PNLDC1: variants seen among roughly 807,000 people sequenced by gnomAD.
The protein encoded by PNLDC1 is poly(A)-specific ribonuclease PNLDC1.
PNLDC1 carries 70 observed loss-of-function variants against 82.0 expected under a neutral mutation model. The observed-to-expected ratio is 0.85, with a 90% CI of 0.70 to 1.04. The LOEUF (loss-of-function observed/expected upper bound fraction) is 1.04. Ranked by LOEUF, PNLDC1 falls within the 50% of genes least tolerant of loss-of-function variation. The pLI, the probability that PNLDC1 is intolerant of heterozygous loss-of-function variation, is 0.00. For missense variants in PNLDC1, 631 were observed against 661.1 expected, an observed-to-expected ratio of 0.95 and a Z score of 0.50; for synonymous variants, 280 against 249.3, an observed-to-expected ratio of 1.12 and a Z score of -1.16.
intron 1 of PNLDC1, 93 bp from the exon 2 acceptor site, chr6:159,800,679 G>T: frequency 6.2e-7 from 1 of 1,613,908 alleles, no homozygotes; most frequent in Middle Eastern, 1.7e-4. Flanking sequence ...GCAGAGGTGA[G>T]CGCGGGTGCC....
In PNLDC1 at chr6:159,820,548, G is replaced by C; in HGVS notation, c.*31G>C. On this transcript the variant is annotated 3_prime_UTR_variant, in exon 19 of 19. Transcript: ENST00000392167. ...GCGAGGCCTCCTGCGGCCACCCTCG[G>C]GTCCCCATGCTCTCTGGGAGGTGTG... 6.2e-7 allele frequency: 1 copy of C among 1,606,548 alleles called. No individual in the cohort carries two copies. Among genetic ancestry groups the C allele is most frequent in the Non-Finnish European group, 8.5e-7 (1 of 1,173,468 alleles).
At position 159,811,710 on chromosome 6, in the gene PNLDC1, A is replaced by C. The variant is rs1270950126; in HGVS notation, c.863A>C (p.Asp288Ala). 3.1e-6 allele frequency: 5 copies of C among 1,613,230 alleles called. No individual in the cohort carries two copies. The highest frequency in any genetic ancestry group is 1.7e-4 in the Middle Eastern group (1 of 6,058). The change falls in exon 11 of 19, where the codon GAT becomes GCT. Residue 288 changes from aspartate to alanine, a missense_variant. Transcript: ENST00000392167. ...GGGTTTTTCCCCTCAGAAAGCTACG[A>C]TCAATTTAAGCAGAATATCCACAGC... ...KFFRPLPESY[D>A]QFKQNIHSLF...
chr6:159,802,753 T>G lies in PNLDC1; in HGVS notation c.209-518T>G, dbSNP rs997440754. 2.0e-5 allele frequency among the ~76,000 whole-genome samples: 3 copies of G among 152,246 alleles called. No homozygotes were observed. The South Asian group carries it at 6.2e-4, about 32-fold the overall frequency. ...GCGCGCCACCACACCTAGCTAATTT[T>G]TGTATTTTTAGTAGAGACAGGGTTT... On this transcript the variant is annotated intron_variant, in intron 3 of 18. Transcript: ENST00000392167.
chr6:159,803,554 A>C, intron 4 of PNLDC1, among the ~76,000 whole-genome samples: 1 of 151,950 alleles, frequency 6.6e-6, no homozygotes, highest in South Asian at 2.1e-4. Flanking sequence ...CCCCATTTCC[A>C]TTGTCTCCAG....
At chr6:159,800,085 T>G (rs1781176471), upstream of PNLDC1, among the ~76,000 whole-genome samples, 1 of 152,204 alleles carries the variant, frequency 6.6e-6, no homozygotes, top group South Asian at 2.1e-4. Flanking sequence ...AGGCTTTGAT[T>G]GCAATTGCAA....
In PNLDC1 at chr6:159,816,182, C is replaced by A. The variant is rs868372700; in HGVS notation, c.1060+149C>A. 467 of 415,878 alleles carry A rather than the reference C, an allele frequency of 1.1e-3. 9 individuals carry two copies. The highest frequency in any genetic ancestry group is 1.4e-3 in the Admixed American group (35 of 24,484). The allele number at this position is 415,878 out of a possible 1,614,324, so 25.8% of individuals were successfully genotyped here. A position where few individuals can be genotyped will look rare whatever the true frequency, so the allele number is the denominator to read the frequency against. On this transcript the variant is annotated intron_variant, in intron 13 of 18. Coordinates refer to ENST00000392167, the MANE Select transcript of PNLDC1 (RefSeq NM_001271862.2). ...CCCCCCACACCCCTCCCCTCCCCCC[C>A]ACCTCTCCCCCTGCCCCGCCCCAGG...
At chr6:159,812,649 G>A (rs1781682555) in intron 11 of PNLDC1, among the ~76,000 whole-genome samples, 1 of 152,182 alleles carries the variant, frequency 6.6e-6, no homozygotes, top group Non-Finnish European at 1.5e-5. Flanking sequence ...AGCTCCCTGG[G>A]TGATTCTGTT....
chr6:159,801,508 A>G (rs985571342), intron 3 of PNLDC1, among the ~76,000 whole-genome samples: 10 of 152,054 alleles, frequency 6.6e-5, no homozygotes, highest in Non-Finnish European at 7.4e-5. Context: ...GTGCAGTAGC[A>G]TAGTCTTAGC....
chr6:159,818,252 A>G (rs1781902528), intron 15 of PNLDC1, among the ~76,000 whole-genome samples: 1 of 152,182 alleles, frequency 6.6e-6, no homozygotes, highest in African/African-American at 2.4e-5. Context: ...CTTTCTCTGA[A>G]TAGTGGCCTC....
chr6:159,801,019 C>T (rs917126062), intron 2 of PNLDC1, 94 bp from the exon 3 acceptor site: 251 of 1,495,550 alleles, frequency 1.7e-4, no homozygotes, highest in Non-Finnish European at 2.3e-4. Flanking sequence ...AGGAAAAAAT[C>T]CTCCCCGGTT....
At chr6:159,809,969 G>A in intron 9 of PNLDC1, 57 bp from the exon 10 acceptor site, 1 of 1,390,990 alleles carries the variant, frequency 7.2e-7, no homozygotes, top group Non-Finnish European at 1.0e-6. Context: ...CTGTTAGTCT[G>A]TAGTGTCTGG....
Position 159,816,579 on chromosome 6 carries a change from C to T in PNLDC1, c.1097C>T (p.Ala366Val). The change falls in exon 14 of 19, where the codon GCC becomes GTC. Residue 366 changes from alanine (A) to valine (V), a missense_variant. Physicochemically the swap from Ala to Val is moderately conservative, Grantham distance 64. Transcript: ENST00000392167. The stretch of plus-strand genomic sequence containing the variant: ...TGCCCCCACGAAGCCGCGTATGATG[C>T]CTTCCTCTGTGGGTCAGGTAAGGAT... Reference protein sequence around the residue: ...TKCPHEAAYDAFLCGSVLLKV... With the variant: ...TKCPHEAAYDVFLCGSVLLKV... 6.2e-7 allele frequency: 1 copy of T among 1,613,510 alleles called. No homozygotes were observed. Among genetic ancestry groups the T allele is most frequent in the African/African-American group, 1.3e-5 (1 of 74,858 alleles).
intron 16 of PNLDC1, 105 bp from the exon 17 acceptor site, chr6:159,818,841 C>G (rs1010872771): frequency 7.3e-7 from 1 of 1,369,542 alleles, no homozygotes; most frequent in Middle Eastern, 1.8e-4. Flanking sequence ...CTCTTCCCCT[C>G]CCTGCCCCAA....
rs545260821 is a variant in PNLDC1, at chr6:159,804,025, A to G, written c.309A>G (p.Ser103=). 44 of 1,614,040 alleles carry G rather than the reference A, an allele frequency of 2.7e-5. No homozygotes were observed. In the South Asian group the frequency reaches 4.6e-4, roughly 17 times the overall value. Residue 103 remains serine, a synonymous_variant, in exon 5 of 19, where the codon TCA becomes TCG. Coordinates refer to ENST00000392167, the MANE Select transcript of PNLDC1 (RefSeq NM_001271862.2). ...LFPTTFGILD[S]EFSFQASSVQ... The stretch of plus-strand genomic sequence containing the variant: ...CTACAACGTTTGGGATTTTGGACTC[A>G]GAATTCTCCTTCCAGGCTTCCAGTG...
At chr6:159,809,669 G>T (rs2115041369) in intron 9 of PNLDC1, among the ~76,000 whole-genome samples, 1 of 152,176 alleles carries the variant, frequency 6.6e-6, no homozygotes, top group East Asian at 1.9e-4. Flanking sequence ...TTTGGGGCAA[G>T]AGTATCCATA....
At chr6:159,813,875 AC>A (rs1781726607) in intron 12 of PNLDC1, among the ~76,000 whole-genome samples, 1 of 151,922 alleles carries the variant, frequency 6.6e-6, no homozygotes, top group Non-Finnish European at 1.5e-5. Flanking sequence ...AAATCTCTCA[AC>A]CCCTGCCCCT....
In PNLDC1 at chr6:159,803,265, T is replaced by G; in HGVS notation, c.209-6T>G. 6.2e-7 allele frequency: 1 copy of G among 1,614,070 alleles called. No individual in the cohort carries two copies. Among genetic ancestry groups the G allele is most frequent in the Admixed American group, 1.7e-5 (1 of 60,024 alleles). Reference sequence around the variant, plus strand: ...GCATTCATTCCCTCTACGGTCATTCTTCCAGGATTGTCTGTGTTTTCCGCT... The same window carrying G: ...GCATTCATTCCCTCTACGGTCATTCGTCCAGGATTGTCTGTGTTTTCCGCT... On this transcript the variant is annotated splice_polypyrimidine_tract_variant and splice_region_variant and intron_variant, in intron 3 of 18. Coordinates refer to ENST00000392167, the MANE Select transcript of PNLDC1 (RefSeq NM_001271862.2).
rs946780888 is a variant in PNLDC1 at position 159,804,004 on chromosome 6, A to G, written c.288A>G (p.Thr96=). 2 of 1,612,932 alleles carry G rather than the reference A, an allele frequency of 1.2e-6. No homozygotes were observed. The highest frequency in any genetic ancestry group is 1.7e-6 in the Non-Finnish European group (2 of 1,178,966). ...AHSCNFYLFP[T]TFGILDSEFS... is the part of the protein sequence containing the mutation. Reference sequence around the variant, plus strand: ...CTTGTAACTTCTATCTCTTCCCTACAACGTTTGGGATTTTGGACTCAGAAT... The same window carrying G: ...CTTGTAACTTCTATCTCTTCCCTACGACGTTTGGGATTTTGGACTCAGAAT... The change falls in exon 5 of 19, where the codon ACA becomes ACG. Residue 96 remains threonine, a synonymous_variant. Transcript: ENST00000392167.
At position 159,818,584 on chromosome 6, in the gene PNLDC1, C is replaced by T; in HGVS notation, c.1187C>T (p.Pro396Leu). Reference protein sequence around the residue: ...HIDPVPESSFPQYLDVLAPYV... With the variant: ...HIDPVPESSFLQYLDVLAPYV... ...GACCCCGTGCCCGAGTCATCCTTTCCTCAGTACCTTGACGTGCTGGCTCCT... is the reference window on the plus strand; with the variant it reads ...GACCCCGTGCCCGAGTCATCCTTTCTTCAGTACCTTGACGTGCTGGCTCCT... The change falls in exon 16 of 19, where the codon CCT becomes CTT. Residue 396 changes from proline to leucine, a missense_variant. By Grantham distance (98) the Pro-to-Leu change is moderately conservative. Coordinates refer to ENST00000392167, the MANE Select transcript of PNLDC1 (RefSeq NM_001271862.2). The T allele has an allele frequency of 6.2e-7, 1 of 1,613,908 alleles. No homozygotes were observed. The highest frequency in any genetic ancestry group is 1.1e-5 in the South Asian group (1 of 91,086).
Sources: gnomAD v4.1 joint callset for allele counts (sites outside exome capture counted in the v4.1 genomes callset) on GRCh38, gnomAD v4.1.1 for gene constraint, MANE v1.5 for transcripts, NCBI Gene and HGNC (gene_info 2026-07-23, HGNC 2026-07-21) for gene names.